ANKMY2: variants seen among roughly 807,000 people sequenced by gnomAD.
ANKMY2 encodes ankyrin repeat and MYND domain-containing protein 2.
Under a neutral mutation model 50.4 loss-of-function variants are expected in ANKMY2, and 36 were observed. The ratio of observed to expected loss-of-function variants is 0.71; its 90% CI spans 0.55 to 0.94. ANKMY2 has a LOEUF of 0.94. Among genes scored for constraint, ANKMY2 ranks in the 40% least tolerant of loss-of-function variants. ANKMY2 has a pLI of 0.00. For missense variants in ANKMY2, 565 were observed against 524.0 expected (o/e 1.08, Z -0.76); for synonymous variants, 187 against 178.8 (o/e 1.05, Z -0.36).
At chr7:16,634,203 C>T (rs1263575100) in intron 2 of ANKMY2, among the ~76,000 whole-genome samples, 3 of 152,002 alleles carry the variant, frequency 2.0e-5, no homozygotes, top group Admixed American at 6.6e-5. Context: ...AATTAGAAAC[C>T]GGTACTTCTA....
intron 6 of ANKMY2, 42 bp downstream of exon 6, chr7:16,610,507 T>C: frequency 6.7e-7 from 1 of 1,483,366 alleles, no homozygotes; most frequent in Non-Finnish European, 9.2e-7. Flanking sequence ...AAAAAAATAT[T>C]CACTTGAGTG....
chr7:16,644,827 C>T (rs1781805132), intron 1 of ANKMY2: 2 of 417,112 alleles, frequency 4.8e-6, no homozygotes, highest in African/African-American at 4.2e-5. Context: ...GGGGAGTGGA[C>T]AAGAAAGCGC....
At chr7:16,631,743 T>C (rs965488456) in intron 2 of ANKMY2, among the ~76,000 whole-genome samples, 24 of 151,998 alleles carry the variant, frequency 1.6e-4, no homozygotes, top group Non-Finnish European at 3.2e-4. Flanking sequence ...GCCTCCCAAG[T>C]AGCTAGAACT....
At chr7:16,636,560 T>C in intron 1 of ANKMY2, 105 bp from the exon 2 acceptor site, 1 of 795,344 alleles carries the variant, frequency 1.3e-6, no homozygotes, top group East Asian at 2.8e-5. Context: ...TAAGAGTACA[T>C]CTAGTCAGTG....
chr7:16,611,022 A>G lies in ANKMY2; in HGVS notation c.532-259T>C, dbSNP rs545441391. 1.2e-4 allele frequency among the ~76,000 whole-genome samples: 18 copies of G among 152,364 alleles called. No individual in the cohort carries two copies. The East Asian group carries it at 3.5e-3, about 29-fold the overall frequency. On this transcript the variant is annotated intron_variant, in intron 5 of 9. Coordinates refer to ENST00000306999, the MANE Select transcript of ANKMY2 (RefSeq NM_020319.3). ...TTCCATCTACCTACACCACAGTGCC[A>G]GTATGCCATTCAAGAGCACATGATT...
At chr7:16,632,523 T>A (rs1401008104) in intron 2 of ANKMY2, among the ~76,000 whole-genome samples, 1 of 152,228 alleles carries the variant, frequency 6.6e-6, no homozygotes, top group African/African-American at 2.4e-5. Context: ...ATTTTGTGAC[T>A]GACTTCTTTC....
At chr7:16,634,926 A>T (rs1437512643) in intron 2 of ANKMY2, among the ~76,000 whole-genome samples, 1 of 152,222 alleles carries the variant, frequency 6.6e-6, no homozygotes, top group Non-Finnish European at 1.5e-5. Flanking sequence ...GCACCCAGTA[A>T]GGTAAAATTG....
In ANKMY2 at chr7:16,636,469, A is replaced by G; in HGVS notation, c.68-14T>C. On this transcript the variant is annotated splice_polypyrimidine_tract_variant and intron_variant, in intron 1 of 9. Coordinates refer to ENST00000306999, the MANE Select transcript of ANKMY2 (RefSeq NM_020319.3). ...CTTGGACAGTACCTAAAAAAAAAAAAAAGATGAAAAGTAAGGTTATTCGTC... is the reference window on the plus strand; with the variant it reads ...CTTGGACAGTACCTAAAAAAAAAAAGAAGATGAAAAGTAAGGTTATTCGTC... 6.4e-7 allele frequency: 1 copy of G among 1,569,502 alleles called. No individual in the cohort carries two copies.
intron 2 of ANKMY2, among the ~76,000 whole-genome samples, chr7:16,627,517 TA>T (rs1221025584): frequency 1.3e-5 from 2 of 152,090 alleles, no homozygotes; most frequent in Non-Finnish European, 2.9e-5. Flanking sequence ...GATACAAACA[TA>T]TTTTTTTAAA....
At chr7:16,644,026 G>A (rs752287124) in intron 1 of ANKMY2, among the ~76,000 whole-genome samples, 3 of 152,080 alleles carry the variant, frequency 2.0e-5, no homozygotes, top group African/African-American at 7.2e-5. Context: ...AAGAGACAGC[G>A]AGAGCGAGAG....
At chr7:16,622,785 TAAAAA>T (rs1781458130) in intron 4 of ANKMY2, among the ~76,000 whole-genome samples, 1 of 94,506 alleles carries the variant, frequency 1.1e-5, no homozygotes, top group African/African-American at 3.3e-5. Flanking sequence ...AATAAATAAA[TAAAAA>T]TAAAAACTCT....
rs771349811 is a variant in ANKMY2, at chr7:16,627,187, G to T, written c.133-9C>A. 1 of 1,553,048 alleles carries T rather than the reference G, an allele frequency of 6.4e-7. No individual in the cohort carries two copies. The highest frequency in any genetic ancestry group is 8.7e-7 in the Non-Finnish European group (1 of 1,143,512). ...AGAGGAGTCATTCCATTCTTTAATA[G>T]AAAGAGGAAAAAAGTATTAATTTTA... On this transcript the variant is annotated splice_polypyrimidine_tract_variant and intron_variant, in intron 2 of 9. Coordinates refer to ENST00000306999, the MANE Select transcript of ANKMY2 (RefSeq NM_020319.3).
At chr7:16,615,958 T>C (rs1321988814) in intron 4 of ANKMY2, 54 bp from the exon 5 acceptor site, 10 of 1,507,446 alleles carry the variant, frequency 6.6e-6, no homozygotes, top group Non-Finnish European at 8.9e-6. Context: ...ATAACACATC[T>C]GGTTTTTAAA....
At chr7:16,608,405 A>G (rs1472390931) in intron 7 of ANKMY2, among the ~76,000 whole-genome samples, 1 of 152,216 alleles carries the variant, frequency 6.6e-6, no homozygotes, top group Non-Finnish European at 1.5e-5. Context: ...GCTTTATGAG[A>G]TGGTCTTTTC....
intron 8 of ANKMY2, among the ~76,000 whole-genome samples, chr7:16,603,043 C>T (rs180731970): frequency 2.8e-4 from 43 of 152,256 alleles, no homozygotes; most frequent in Admixed American, 7.8e-4. Context: ...TTTATAGCAA[C>T]GTAAGAACGG....
chr7:16,643,155 A>G (rs1021331904), intron 1 of ANKMY2, among the ~76,000 whole-genome samples: 31 of 152,212 alleles, frequency 2.0e-4, no homozygotes, highest in African/African-American at 7.5e-4. Context: ...TTTTTCACAC[A>G]GAGGACTTGA....
At chr7:16,612,862 T>G (rs1367230569) in intron 5 of ANKMY2, among the ~76,000 whole-genome samples, 4 of 152,214 alleles carry the variant, frequency 2.6e-5, no homozygotes, top group Non-Finnish European at 5.9e-5. Context: ...TTTTATTAAT[T>G]AATGAGGAGG....
At chr7:16,620,114 G>A (rs775123151) in intron 4 of ANKMY2, among the ~76,000 whole-genome samples, 2 of 152,206 alleles carry the variant, frequency 1.3e-5, no homozygotes, top group East Asian at 1.9e-4. Context: ...TACAACCTAC[G>A]TAACCCATTT....
At chr7:16,617,273 T>G (rs1309819612) in intron 4 of ANKMY2, among the ~76,000 whole-genome samples, 1 of 152,168 alleles carries the variant, frequency 6.6e-6, no homozygotes, top group African/African-American at 2.4e-5. Context: ...TGAATGTCAT[T>G]TTTCTCTCTT....
Sources: gnomAD v4.1 joint callset for allele counts (sites outside exome capture counted in the v4.1 genomes callset) on GRCh38, gnomAD v4.1.1 for gene constraint, MANE v1.5 for transcripts, NCBI Gene and HGNC (gene_info 2026-07-23, HGNC 2026-07-21) for gene names.